The following FILIP1L variants were observed in gnomAD, a reference collection of about 807,000 sequenced individuals.
FILIP1L encodes filamin A interacting protein 1 like.
Under a neutral mutation model 96.6 loss-of-function variants are expected in FILIP1L, and 55 were observed. That is an observed-to-expected ratio of 0.57 (90% CI 0.46 to 0.71). The LOEUF (loss-of-function observed/expected upper bound fraction) is 0.71, where lower values mean the gene tolerates loss of function less well. FILIP1L is among the 30% of genes least tolerant of loss of function. FILIP1L has a pLI of 0.00. For missense variants in FILIP1L, 1,304 were observed against 1,321.2 expected (o/e 0.99, Z 0.20); for synonymous variants, 467 against 473.9 (o/e 0.99, Z 0.19).
rs757849862 is a variant in FILIP1L, at chr3:99,850,450, T to C, written c.1226A>G (p.Gln409Arg). ...AACCTCTAGTTTAAAGTCTTTACTC[T>C]GTAACGTCTCCCTTTCAAGCCTCTT... is the stretch of plus-strand genomic sequence containing the variant. ...LNKRLERETLQSKDFKLEVEK... is the reference protein window; with the variant it reads ...LNKRLERETLRSKDFKLEVEK... Residue 409 changes from glutamine to arginine, a missense_variant, in exon 5 of 6, where the codon CAG (glutamine) becomes CGG (arginine). Transcript: ENST00000477258. 3 of 1,613,996 alleles carry C rather than the reference T, an allele frequency of 1.9e-6. No individual in the cohort carries two copies. The highest frequency in any genetic ancestry group is 1.7e-5 in the Admixed American group (1 of 59,998).
chr3:100,008,709 A>G (rs771663016), intron 1 of FILIP1L, among the ~76,000 whole-genome samples: 3 of 152,222 alleles, frequency 2.0e-5, no homozygotes, highest in Non-Finnish European at 4.4e-5. Context: ...TAATGTTTGC[A>G]TATGTTTGCT....
chr3:99,990,667 C>A (rs1167987496), intron 1 of FILIP1L, among the ~76,000 whole-genome samples: 1 of 151,480 alleles, frequency 6.6e-6, no homozygotes, highest in Non-Finnish European at 1.5e-5. Flanking sequence ...AGTATCATTC[C>A]AAAGCCTCCT....
chr3:99,893,122 T>C lies in FILIP1L; in HGVS notation c.605+31108A>G, dbSNP rs192533250. ...ATTTTTAGAAGACACCTTTCTGCTT[T>C]CAGGTATCTCTATTTCCAGTAACAA... On this transcript the variant is annotated intron_variant, in intron 4 of 5. Coordinates refer to ENST00000477258, the MANE Select transcript of FILIP1L (RefSeq NM_001387850.1). Among the ~76,000 whole-genome samples the C allele has an allele frequency of 2.0e-5, 3 of 151,990 alleles. No individual in the cohort carries two copies. The East Asian group carries it at 5.8e-4, about 29-fold the overall frequency.
chr3:99,842,504 CAAA>C (rs10935983), intron 5 of FILIP1L, among the ~76,000 whole-genome samples: 17 of 131,492 alleles, frequency 1.3e-4, no homozygotes, highest in East Asian at 2.2e-4. Context: ...TAAAACAGGC[CAAA>C]AAAAAAAAAA....
intron 1 of FILIP1L, among the ~76,000 whole-genome samples, chr3:99,937,917 G>GA (rs1484947195): frequency 2.0e-5 from 3 of 152,108 alleles, no homozygotes; most frequent in Non-Finnish European, 4.4e-5. Context: ...TGAAGTAAAT[G>GA]AAAAAAACAG....
intron 1 of FILIP1L, among the ~76,000 whole-genome samples, chr3:99,950,172 T>C (rs1049918948): frequency 1.3e-5 from 2 of 152,190 alleles, no homozygotes; most frequent in Non-Finnish European, 2.9e-5. Flanking sequence ...TAGATAGGAC[T>C]TTTTTCTTAT....
intron 4 of FILIP1L, among the ~76,000 whole-genome samples, chr3:99,872,263 C>T (rs1387982399): frequency 2.9e-5 from 3 of 102,218 alleles, no homozygotes; most frequent in Non-Finnish European, 4.1e-5. Flanking sequence ...ATATTCTGTG[C>T]CAGGACTGTG....
intron 4 of FILIP1L, among the ~76,000 whole-genome samples, chr3:99,907,941 C>T (rs1161059244): frequency 6.6e-6 from 1 of 152,176 alleles, no homozygotes; most frequent in Non-Finnish European, 1.5e-5. Context: ...ACTCAGTAAG[C>T]ATTTTGAAAT....
chr3:100,108,005 A>G (rs1041321667), intron 1 of FILIP1L, among the ~76,000 whole-genome samples: 2 of 151,988 alleles, frequency 1.3e-5, no homozygotes, highest in Non-Finnish European at 2.9e-5. Flanking sequence ...ATTTTCTGGG[A>G]TTTTTCTTAA....
Position 99,830,387 on chromosome 3 carries a change from T to C in FILIP1L, c.*27A>G, listed in dbSNP as rs188654825. 1.8e-3 allele frequency: 706 copies of C among 387,200 alleles called. 3 individuals carry two copies. The highest frequency in any genetic ancestry group is 0.013 in the African/African-American group (645 of 48,086). The allele number at this position is 387,200 out of a possible 1,614,324, so 24.0% of individuals were successfully genotyped here. A position where few individuals can be genotyped will look rare whatever the true frequency, so the allele number is the denominator to read the frequency against. ...CTTTCCACATATTTCTGTAGATGAA[T>C]GTATCCAGGCAGTGCATTGGTATGA... On this transcript the variant is annotated 3_prime_UTR_variant, in exon 6 of 6. Coordinates refer to ENST00000477258, the MANE Select transcript of FILIP1L (RefSeq NM_001387850.1).
chr3:99,938,050 A>AGTGTGT (rs71625545), intron 1 of FILIP1L, among the ~76,000 whole-genome samples: 361 of 148,998 alleles, frequency 2.4e-3, no homozygotes, highest in Non-Finnish European at 3.4e-3. Context: ...AGGCTCAGGA[A>AGTGTGT]GTGTGTGTGT....
chr3:99,904,237 T>C (rs1251417002), intron 4 of FILIP1L, among the ~76,000 whole-genome samples: 2 of 152,240 alleles, frequency 1.3e-5, no homozygotes, highest in Non-Finnish European at 2.9e-5. Context: ...GCCAGATTGT[T>C]TCACCATTAG....
chr3:100,110,723 T>A (rs983177767), intron 1 of FILIP1L, among the ~76,000 whole-genome samples: 4 of 152,202 alleles, frequency 2.6e-5, no homozygotes, highest in Admixed American at 2.0e-4. Flanking sequence ...CCATTACCTG[T>A]GCTTACCATT....
intron 5 of FILIP1L, among the ~76,000 whole-genome samples, chr3:99,840,024 G>A (rs572792638): frequency 6.6e-6 from 1 of 152,070 alleles, no homozygotes; most frequent in African/African-American, 2.4e-5. Context: ...AGATATTATT[G>A]TCACAGTTGG....
chr3:99,832,925 T>A (rs1942744371), intron 5 of FILIP1L, among the ~76,000 whole-genome samples: 1 of 150,730 alleles, frequency 6.6e-6, no homozygotes, highest in African/African-American at 2.4e-5. Context: ...GTATGGAGCA[T>A]TAAAATGTGT....
intron 1 of FILIP1L, among the ~76,000 whole-genome samples, chr3:100,078,154 G>A (rs1042138929): frequency 4.0e-5 from 6 of 151,806 alleles, no homozygotes; most frequent in Admixed American, 6.6e-5. Flanking sequence ...CATCATATTG[G>A]TGCTAATATA....
intron 1 of FILIP1L, among the ~76,000 whole-genome samples, chr3:100,087,587 A>G (rs1447166517): frequency 1.3e-5 from 2 of 151,844 alleles, no homozygotes; most frequent in Non-Finnish European, 2.9e-5. Context: ...TTGTTTTCTT[A>G]TTATTGAGTT....
chr3:99,918,921 G>A (rs1167263622), intron 4 of FILIP1L, among the ~76,000 whole-genome samples: 1 of 152,180 alleles, frequency 6.6e-6, no homozygotes, highest in Admixed American at 6.5e-5. Context: ...ATAGTCTTGA[G>A]AATATGTAAT....
At chr3:99,975,526 A>G (rs1708943905) in intron 1 of FILIP1L, among the ~76,000 whole-genome samples, 1 of 152,000 alleles carries the variant, frequency 6.6e-6, no homozygotes, top group African/African-American at 2.4e-5. Context: ...CGGGAGGCAG[A>G]CGTTGCAGTG....
Sources: gnomAD v4.1 joint callset for allele counts (sites outside exome capture counted in the v4.1 genomes callset) on GRCh38, gnomAD v4.1.1 for gene constraint, MANE v1.5 for transcripts, NCBI Gene and HGNC (gene_info 2026-07-23, HGNC 2026-07-21) for gene names.